The following CNN2 variants were observed in gnomAD, a reference collection of about 807,000 sequenced individuals.
CNN2 encodes the protein calponin 2, also known as calponin-2.
A neutral mutation model predicts 31.0 loss-of-function variants in CNN2; 21 were observed. That is an observed-to-expected ratio of 0.68 (90% confidence interval 0.48 to 0.98). CNN2 has a LOEUF of 0.98. Ranked by LOEUF, CNN2 falls within the 50% of genes least tolerant of loss-of-function variation. CNN2 has a pLI of 0.00. For synonymous variants in CNN2, 165 were observed against 179.6 expected (o/e 0.92, Z 0.65); for missense variants, 399 against 427.3 (o/e 0.93, Z 0.58).
At chr19:1,030,304 C>G (rs932828063) in intron 1 of CNN2, among the ~76,000 whole-genome samples, 1 of 152,178 alleles carries the variant, frequency 6.6e-6, no homozygotes, top group Admixed American at 6.5e-5. Context: ...CGGTCAGCCT[C>G]GGGGGCAGCT....
intron 1 of CNN2, 74 bp from the exon 2 acceptor site, chr19:1,030,997 C>G: frequency 6.5e-7 from 1 of 1,533,594 alleles, no homozygotes. Flanking sequence ...GCCCCACCCT[C>G]TGCAGAGCTT....
intron 1 of CNN2, among the ~76,000 whole-genome samples, chr19:1,030,306 G>T (rs2039466540): frequency 6.6e-6 from 1 of 152,164 alleles, no homozygotes; most frequent in Non-Finnish European, 1.5e-5. Flanking sequence ...GTCAGCCTCG[G>T]GGGCAGCTCC....
intron 2 of CNN2, among the ~76,000 whole-genome samples, chr19:1,031,703 C>G (rs998203508): frequency 1.3e-5 from 2 of 150,796 alleles, no homozygotes; most frequent in African/African-American, 4.9e-5. Flanking sequence ...CAACCTCCAC[C>G]TCCTGGGTTC....
intron 4 of CNN2, among the ~76,000 whole-genome samples, chr19:1,035,633 GC>G (rs2039569128): frequency 6.6e-6 from 1 of 152,188 alleles, no homozygotes; most frequent in Admixed American, 6.5e-5. Flanking sequence ...GGATGAAGCA[GC>G]CCCATGGGCT....
At chr19:1,035,162 G>GAC (rs534250088) in intron 4 of CNN2, among the ~76,000 whole-genome samples, 117 of 45,242 alleles carry the variant, frequency 2.6e-3, no homozygotes, top group African/African-American at 4.5e-3. Flanking sequence ...GCGTGGGTGG[G>GAC]ACGGTGTCTG....
chr19:1,034,269 C>G (rs1394685889), intron 4 of CNN2, among the ~76,000 whole-genome samples: 6 of 2,330 alleles, frequency 2.6e-3, no homozygotes, highest in Admixed American at 6.5e-3. Context: ...TGGTGTAGAC[C>G]GGGAGCGTGG....
At chr19:1,036,337 C>T (rs746299829) in intron 5 of CNN2, 79 bp from the exon 6 acceptor site, 8 of 1,580,852 alleles carry the variant, frequency 5.1e-6, no homozygotes, top group African/African-American at 1.3e-5. Context: ...CGGCATGGAG[C>T]CCTGTGGTCC....
Position 1,038,200 on chromosome 19 carries a change from G to T in CNN2, c.*300G>T. ...GGAAGAAGAGACCTGGGCTTGGAAG[G>T]AACCGGTCCCCGACGGTTTCTGCTT... On this transcript the variant is annotated 3_prime_UTR_variant, in exon 7 of 7. Transcript: ENST00000263097. The T allele has an allele frequency of 2.9e-6, 1 of 339,280 alleles. No individual in the cohort carries two copies. Among genetic ancestry groups the T allele is most frequent in the Non-Finnish European group, 5.3e-6 (1 of 187,342 alleles). 21.0% of individuals were successfully genotyped at this position (339,280 alleles called of 1,614,324 possible).
chr19:1,032,291 C>A, intron 2 of CNN2, 101 bp from the exon 3 acceptor site: 2 of 1,452,364 alleles, frequency 1.4e-6, no homozygotes, highest in Non-Finnish European at 1.9e-6. Context: ...GTGAGTTTGC[C>A]CAGGAAGGCG....
intron 4 of CNN2, among the ~76,000 whole-genome samples, chr19:1,035,618 C>T (rs891886353): frequency 1.3e-5 from 2 of 152,160 alleles, no homozygotes; most frequent in African/African-American, 4.8e-5. Context: ...AGACAAGGCA[C>T]GCTGGGATGA....
chr19:1,035,316 T>C (rs1004405757), intron 4 of CNN2, among the ~76,000 whole-genome samples: 5 of 152,042 alleles, frequency 3.3e-5, no homozygotes, highest in Non-Finnish European at 5.9e-5. Context: ...GGTCTTGACA[T>C]TGGAATTGGC....
Position 1,027,434 on chromosome 19 carries a change from G to T in CNN2, c.63+710G>T, listed in dbSNP as rs985413011. ...TCACGCCCGTAATCCCAGCACTTTG[G>T]GGGGCGGAGCTGGGTGGATGGCTTG... On this transcript the variant is annotated intron_variant, in intron 1 of 6. Transcript: ENST00000263097. 7.2e-5 allele frequency among the ~76,000 whole-genome samples: 11 copies of T among 152,390 alleles called. No individual in the cohort carries two copies. In the East Asian group the frequency reaches 1.5e-3, roughly 21 times the overall value.
chr19:1,032,787 G>C (rs1389986924), intron 4 of CNN2, 91 bp downstream of exon 4: 1 of 1,043,558 alleles, frequency 9.6e-7, no homozygotes, highest in Non-Finnish European at 1.4e-6. Context: ...ATTTCTGTTT[G>C]TTTATTTTTG....
chr19:1,029,162 G>GAGATGAGGAA (rs1568417116), intron 1 of CNN2, among the ~76,000 whole-genome samples: 5 of 111,946 alleles, frequency 4.5e-5, no homozygotes, highest in South Asian at 2.9e-4. Context: ...ATCCCAGGCA[G>GAGATGAGGAA]GTCCAGCTCA....
intron 2 of CNN2, 40 bp from the exon 3 acceptor site, chr19:1,032,352 A>G: frequency 1.2e-6 from 2 of 1,611,362 alleles, no homozygotes; most frequent in East Asian, 2.2e-5. Flanking sequence ...CGCTGCTCAC[A>G]GAGGTTTCTG....
At chr19:1,036,292 C>G in intron 5 of CNN2, 46 bp downstream of exon 5, 1 of 1,565,860 alleles carries the variant, frequency 6.4e-7, no homozygotes, top group South Asian at 1.2e-5. Flanking sequence ...CATTGGGGGA[C>G]CACGGTGTTG....
intron 6 of CNN2, chr19:1,037,345 C>A: frequency 2.5e-6 from 1 of 398,494 alleles, no homozygotes; most frequent in Non-Finnish European, 4.6e-6. Flanking sequence ...ACCGTGTTGG[C>A]CAGGCTGGTC....
In CNN2 at chr19:1,037,613, C is replaced by T; in HGVS notation, c.655-12C>T. 1 of 1,566,062 alleles carries T rather than the reference C, an allele frequency of 6.4e-7. No homozygotes were observed. The highest frequency in any genetic ancestry group is 1.8e-5 in the Admixed American group (1 of 56,430). Reference sequence around the variant, plus strand: ...TCCACCATGACCTGCTCCACCCCTCCTTCCTCTCCAGGTGGGCATGACGGC... The same window carrying T: ...TCCACCATGACCTGCTCCACCCCTCTTTCCTCTCCAGGTGGGCATGACGGC... On this transcript the variant is annotated splice_polypyrimidine_tract_variant and intron_variant, in intron 6 of 6. Coordinates refer to ENST00000263097, the MANE Select transcript of CNN2 (RefSeq NM_004368.4).
chr19:1,033,368 A>G (rs2039531079), intron 4 of CNN2, among the ~76,000 whole-genome samples: 1 of 151,886 alleles, frequency 6.6e-6, no homozygotes, highest in Non-Finnish European at 1.5e-5. Flanking sequence ...GAAAACAAAA[A>G]TTACCTGGGC....
Sources: gnomAD v4.1 joint callset for allele counts (sites outside exome capture counted in the v4.1 genomes callset) on GRCh38, gnomAD v4.1.1 for gene constraint, MANE v1.5 for transcripts, NCBI Gene and HGNC (gene_info 2026-07-23, HGNC 2026-07-21) for gene names.